FLNB: variants seen among roughly 807,000 people sequenced by gnomAD.
FLNB encodes the protein filamin B.
FLNB carries 111 observed loss-of-function variants against 250.6 expected under a neutral mutation model. The ratio of observed to expected loss-of-function variants is 0.44; its 90% CI spans 0.38 to 0.52. FLNB has a LOEUF of 0.52. Ranked by LOEUF, FLNB falls within the 20% of genes least tolerant of loss-of-function variation. The probability of loss-of-function intolerance (pLI) is 0.00; values close to 1 mark genes in which losing one functional copy is unlikely to be tolerated. For missense variants in FLNB, 2,869 were observed against 3,447.8 expected (o/e 0.83, Z 4.20); for synonymous variants, 1,302 against 1,372.1 (o/e 0.95, Z 1.13).
intron 25 of FLNB, among the ~76,000 whole-genome samples, chr3:58,131,631 A>G (rs1213388584): frequency 6.6e-6 from 1 of 152,242 alleles, no homozygotes; most frequent in Non-Finnish European, 1.5e-5. Flanking sequence ...TTGGATTCAC[A>G]GAAGTGGCAA....
intron 1 of FLNB, among the ~76,000 whole-genome samples, chr3:58,030,548 A>G (rs1038801021): frequency 6.6e-6 from 1 of 152,074 alleles, no homozygotes; most frequent in African/African-American, 2.4e-5. Context: ...CATGGGTCCT[A>G]TCTGGAGGGG....
At position 58,134,923 on chromosome 3, in the gene FLNB, G is replaced by GCTT. The variant is rs374696708; in HGVS notation, c.4671+152_4671+153insTTC. On this transcript the variant is annotated intron_variant, in intron 27 of 45. Coordinates refer to ENST00000295956, the MANE Select transcript of FLNB (RefSeq NM_001457.4). Reference sequence around the variant, plus strand: ...CCAAAGAGTCAGTAAATGTGCAGAAGCAGAAGCAGCTCACCTGAGAGATTT... The same window carrying GCTT: ...CCAAAGAGTCAGTAAATGTGCAGAAGCTTCAGAAGCAGCTCACCTGAGAGATTT... The GCTT allele has an allele frequency of 4.0e-5, 29 of 723,432 alleles. No homozygotes were observed. The African/African-American group carries it at 4.6e-4, about 11-fold the overall frequency. The allele number at this position is 723,432 out of a possible 1,614,324, so 44.8% of individuals were successfully genotyped here. A position where few individuals can be genotyped will look rare whatever the true frequency, so the allele number is the denominator to read the frequency against.
chr3:58,057,123 G>A (rs1183107803), intron 1 of FLNB, among the ~76,000 whole-genome samples: 1 of 152,174 alleles, frequency 6.6e-6, no homozygotes, highest in Non-Finnish European at 1.5e-5. Context: ...CTACTGGCAC[G>A]TGCCACCATG....
intron 43 of FLNB, chr3:58,163,612 A>T (rs1253914291): frequency 2.1e-6 from 1 of 473,038 alleles, no homozygotes; most frequent in African/African-American, 2.0e-5. Flanking sequence ...CTTTCAGAAC[A>T]GGATGCTGAT....
At position 58,142,943 on chromosome 3, in the gene FLNB, G is replaced by A. The variant is rs2097329527; in HGVS notation, c.5284+191G>A. On this transcript the variant is annotated intron_variant, in intron 31 of 45. Coordinates refer to ENST00000295956, the MANE Select transcript of FLNB (RefSeq NM_001457.4). This position sits in a 1 kb window ranked among gnomAD's most constrained non-coding sequence, Gnocchi z 4.3. ...TATGCCACGTGTGTGTTTCTCTGAA[G>A]AAGTGGCTCACTGACAACTTGCATT... Among the ~76,000 whole-genome samples, 1 of 152,254 alleles carries A rather than the reference G, an allele frequency of 6.6e-6. No homozygotes were observed. Among genetic ancestry groups the A allele is most frequent in the South Asian group, 2.1e-4 (1 of 4,834 alleles).
At chr3:58,132,289 T>C (rs1261587361) in intron 25 of FLNB, 1 of 477,374 alleles carries the variant, frequency 2.1e-6, no homozygotes, top group Non-Finnish European at 3.8e-6. Context: ...CCCATGAGAT[T>C]GGCACCCTCA....
At chr3:58,069,221 G>A in intron 1 of FLNB, among the ~76,000 whole-genome samples, 1 of 143,950 alleles carries the variant, frequency 6.9e-6, no homozygotes, top group East Asian at 2.1e-4. Context: ...TAAAATATCA[G>A]TAGTTCAATT....
intron 1 of FLNB, among the ~76,000 whole-genome samples, chr3:58,033,139 A>G (rs1354895733): frequency 1.3e-5 from 2 of 152,212 alleles, no homozygotes; most frequent in Non-Finnish European, 1.5e-5. Flanking sequence ...AATGAAGAAC[A>G]CATTTTGATT....
chr3:58,109,232 A>T lies in FLNB; in HGVS notation c.2109A>T (p.Thr703=). The T allele has an allele frequency of 6.2e-7, 1 of 1,614,250 alleles. No individual in the cohort carries two copies. Among genetic ancestry groups the T allele is most frequent in the Non-Finnish European group, 8.5e-7 (1 of 1,180,050 alleles). ...DIQMKNRMDG[T]YACSYTPVKA... ...AGATGAAGAACCGGATGGACGGCAC[A>T]TATGCATGCTCATACACCCCGGTGA... is the stretch of plus-strand genomic sequence containing the variant. Residue 703 remains threonine, a synonymous_variant, in exon 14 of 46, where the codon ACA becomes ACT. Coordinates refer to ENST00000295956, the MANE Select transcript of FLNB (RefSeq NM_001457.4).
chr3:58,139,599 C>G (rs1010075836), intron 29 of FLNB, among the ~76,000 whole-genome samples: 3 of 152,174 alleles, frequency 2.0e-5, no homozygotes, highest in African/African-American at 7.2e-5. Flanking sequence ...TCTGGAGGCT[C>G]TTTTATGTCT....
At chr3:58,131,950 T>C in intron 25 of FLNB, 1 of 1,537,210 alleles carries the variant, frequency 6.5e-7, no homozygotes, top group Non-Finnish European at 8.7e-7. Context: ...TTCCCAGTCA[T>C]GGCGCAGCCC....
chr3:58,106,264 C>T (rs1040982768), intron 11 of FLNB, among the ~76,000 whole-genome samples: 9 of 151,522 alleles, frequency 5.9e-5, no homozygotes, highest in African/African-American at 2.2e-4. Flanking sequence ...AAGGCTTTTG[C>T]CACATGTTGC....
Position 58,126,725 on chromosome 3 carries a change from C to A in FLNB, c.4185C>A (p.Tyr1395Ter), listed in dbSNP as rs373754367. 6.2e-7 allele frequency: 1 copy of A among 1,613,924 alleles called. No individual in the cohort carries two copies. Among genetic ancestry groups the A allele is most frequent in the Non-Finnish European group, 8.5e-7 (1 of 1,179,870 alleles). ...ACATTCCTTTCGCACCGGGGGATTA[C>A]GATGTTAATATCACATATGGAGGAG... The part of the protein sequence containing the change: ...AEYIPFAPGD[Y>*]DVNITYGGAH... Residue 1395 changes from tyrosine to a stop codon, truncating the protein, a stop_gained, in exon 24 of 46, where the codon TAC becomes TAA. Coordinates refer to ENST00000295956, the MANE Select transcript of FLNB (RefSeq NM_001457.4). LOFTEE classifies it high-confidence loss of function.
chr3:58,135,863 C>A, intron 27 of FLNB, 116 bp from the exon 28 acceptor site: 1 of 1,035,992 alleles, frequency 9.7e-7, no homozygotes, highest in South Asian at 1.4e-5. Flanking sequence ...TTGTATTAAG[C>A]CATCAATTCT....
At chr3:58,152,771 G>A (rs1038002402) in intron 38 of FLNB, 5 of 1,335,898 alleles carry the variant, frequency 3.7e-6, no homozygotes, top group Admixed American at 2.0e-5. Context: ...TTTCATACTG[G>A]CTCTAGGTGA....
chr3:58,162,200 C>G (rs1214624530), intron 42 of FLNB, among the ~76,000 whole-genome samples: 1 of 152,118 alleles, frequency 6.6e-6, no homozygotes, highest in Non-Finnish European at 1.5e-5. Flanking sequence ...GGGAGAAGAG[C>G]TTTGGGGAAC....
At chr3:58,027,808 A>C (rs976348136) in intron 1 of FLNB, among the ~76,000 whole-genome samples, 38 of 152,220 alleles carry the variant, frequency 2.5e-4, no homozygotes, top group Non-Finnish European at 2.9e-5. Context: ...TTGTAAAACA[A>C]ATGTATTTGA....
intron 14 of FLNB, 121 bp from the exon 15 acceptor site, chr3:58,109,455 G>A: frequency 6.3e-7 from 1 of 1,593,166 alleles, no homozygotes. Flanking sequence ...ATGATGGAGG[G>A]GCCCGAAGGG....
intron 4 of FLNB, among the ~76,000 whole-genome samples, chr3:58,087,108 TCAAACAAA>T (rs35229385): frequency 2.0e-5 from 3 of 151,358 alleles, no homozygotes; most frequent in African/African-American, 4.9e-5. Context: ...AGACTCTGTC[TCAAACAAA>T]CAAACAAACA....
Sources: allele counts gnomAD v4.1 joint callset (sites outside exome capture counted in the v4.1 genomes callset), GRCh38; gene constraint gnomAD v4.1.1; non-coding constraint Gnocchi (gnomAD v3.1); transcripts MANE v1.5; gene names NCBI Gene and HGNC (gene_info 2026-07-23, HGNC 2026-07-21).